Variants in CPSF6 observed in about 807,000 individuals in gnomAD.
CPSF6 encodes cleavage and polyadenylation specificity factor subunit 6.
Under a neutral mutation model 56.7 loss-of-function variants are expected in CPSF6, and 10 were observed. The observed-to-expected ratio is 0.18, with a 90% CI of 0.11 to 0.30. CPSF6 has a LOEUF of 0.30. Ranked by LOEUF, CPSF6 falls within the 10% of genes least tolerant of loss-of-function variation. The probability of loss-of-function intolerance (pLI) is 1.00; values close to 1 mark genes in which losing one functional copy is unlikely to be tolerated. For missense variants in CPSF6, 419 were observed against 722.9 expected (o/e 0.58, Z 4.82); for synonymous variants, 248 against 244.8 (o/e 1.01, Z -0.12).
chr12:69,239,898 GGCGCGGCGAGTCGCCGCGGGGCCCGGA>G (rs1871511974), intron 1 of CPSF6, among the ~76,000 whole-genome samples, 192 bp downstream of exon 1: 1 of 149,480 alleles, frequency 6.7e-6, no homozygotes, highest in African/African-American at 2.4e-5. Flanking sequence ...ACGGGCCGCG[GGCGCGGCGAGTCGCCGCGGGGCCCGGA>G]GCGCGGACGC....
At chr12:69,264,155 G>C (rs752783289) in intron 9 of CPSF6, among the ~76,000 whole-genome samples, 4 of 151,938 alleles carry the variant, frequency 2.6e-5, no homozygotes, top group Non-Finnish European at 4.4e-5. Flanking sequence ...TGCTTAAACT[G>C]GATTGTGACT....
chr12:69,252,083 C>CG (rs1565645458), intron 2 of CPSF6: 5 of 454,706 alleles, frequency 1.1e-5, no homozygotes, highest in African/African-American at 4.0e-5. Flanking sequence ...TTCTTTTTTT[C>CG]AGGGGGAGAC....
chr12:69,260,593 C>T (rs1872703200), intron 8 of CPSF6, among the ~76,000 whole-genome samples: 1 of 152,176 alleles, frequency 6.6e-6, no homozygotes, highest in South Asian at 2.1e-4. Context: ...ACATAGCTGG[C>T]TCCTTATTCT....
rs1190100504 is a variant in CPSF6 at position 69,271,217 on chromosome 12, A to G, written c.*1709A>G. On this transcript the variant is annotated 3_prime_UTR_variant, in exon 10 of 10. Coordinates refer to ENST00000435070, the MANE Select transcript of CPSF6 (RefSeq NM_007007.3). ...TTCACTTTCAGAAATGATTTTTTAA[A>G]GCATTTTGTTGAAAATGCGGTTGCT... 6.6e-6 allele frequency: 1 copy of G among 152,212 alleles called. No individual in the cohort carries two copies. The highest frequency in any genetic ancestry group is 1.5e-5 in the Non-Finnish European group (1 of 67,706). 9.4% of individuals were successfully genotyped at this position (152,212 alleles called of 1,614,324 possible).
intron 1 of CPSF6, among the ~76,000 whole-genome samples, chr12:69,249,151 TCG>T (rs1491296164): frequency 0.086 from 1,812 of 21,028 alleles, 88 homozygotes; most frequent in Non-Finnish European, 0.14. Context: ...TCCCAGCTAC[TCG>T]GGGGGGGGGG....
intron 3 of CPSF6, among the ~76,000 whole-genome samples, chr12:69,253,651 G>A (rs1178310422): frequency 1.3e-5 from 2 of 151,998 alleles, no homozygotes; most frequent in Non-Finnish European, 2.9e-5. Context: ...TAACATTTTA[G>A]TGAAGATTCT....
chr12:69,259,688 C>G (rs1872663348), intron 7 of CPSF6, 145 bp downstream of exon 7: 2 of 821,318 alleles, frequency 2.4e-6, no homozygotes, highest in Non-Finnish European at 3.6e-6. Context: ...ATTTAAAAAG[C>G]ATTGAAAAAA....
rs772427672 is a variant in CPSF6 at position 69,258,906 on chromosome 12, A to C, written c.1011A>C (p.Leu337=). ...PPGPLGPPLT[L]APPPHLPGPP... ...GTCCACTTGGGCCACCCCTTACACT[A>C]GCTCCTCCTCCGCATCTTCCTGGAC... The change falls in exon 6 of 10, where the codon CTA becomes CTC. Residue 337 remains leucine, a synonymous_variant. Coordinates refer to ENST00000435070, the MANE Select transcript of CPSF6 (RefSeq NM_007007.3). This position sits in a 1 kb window ranked among gnomAD's most constrained non-coding sequence, Gnocchi z 4.2. The C allele has an allele frequency of 6.2e-7, 1 of 1,613,884 alleles. No individual in the cohort carries two copies. The highest frequency in any genetic ancestry group is 8.5e-7 in the Non-Finnish European group (1 of 1,179,948).
intron 1 of CPSF6, among the ~76,000 whole-genome samples, chr12:69,240,941 A>G (rs1488988521): frequency 6.6e-6 from 1 of 152,170 alleles, no homozygotes; most frequent in Non-Finnish European, 1.5e-5. Context: ...TAAAAGCCTT[A>G]TTTTTTTGTA....
chr12:69,240,074 C>T lies in CPSF6; in HGVS notation c.60+368C>T, dbSNP rs1176752854. Reference sequence around the variant, plus strand: ...CGTGTAAGCGGCGGAGAGAACTGGCCGCCGCCGCGCCCCCTCCCCCGTCGC... The same window carrying T: ...CGTGTAAGCGGCGGAGAGAACTGGCTGCCGCCGCGCCCCCTCCCCCGTCGC... On this transcript the variant is annotated intron_variant, in intron 1 of 9. Transcript: ENST00000435070. Among the ~76,000 whole-genome samples the T allele has an allele frequency of 2.6e-5, 4 of 151,548 alleles. No homozygotes were observed. In the East Asian group the frequency reaches 7.8e-4, roughly 30 times the overall value.
At chr12:69,264,967 T>TA (rs918331517) in intron 9 of CPSF6, among the ~76,000 whole-genome samples, 2 of 152,150 alleles carry the variant, frequency 1.3e-5, no homozygotes, top group Non-Finnish European at 2.9e-5. Flanking sequence ...TGTATACAAA[T>TA]AAAATACTAA....
chr12:69,250,161 C>T (rs1469056081), intron 1 of CPSF6, among the ~76,000 whole-genome samples: 1 of 152,018 alleles, frequency 6.6e-6, no homozygotes, highest in Non-Finnish European at 1.5e-5. Context: ...TATGGCTCAG[C>T]TCACTATGCT....
chr12:69,252,860 A>G (rs139554964), intron 2 of CPSF6, among the ~76,000 whole-genome samples, 191 bp from the exon 3 acceptor site: 1 of 152,192 alleles, frequency 6.6e-6, no homozygotes, highest in Non-Finnish European at 1.5e-5. Context: ...TTATCAGGGA[A>G]TGAAGTTAGG....
At chr12:69,262,924 A>G (rs1872809568) in intron 9 of CPSF6, among the ~76,000 whole-genome samples, 1 of 152,176 alleles carries the variant, frequency 6.6e-6, no homozygotes, top group African/African-American at 2.4e-5. Context: ...ACAGGGAGTT[A>G]TTTCACATAT....
chr12:69,251,173 T>C lies in CPSF6; in HGVS notation c.105T>C (p.Asp35=), dbSNP rs1872224482. 3 of 1,612,350 alleles carry C rather than the reference T, an allele frequency of 1.9e-6. No individual in the cohort carries two copies. The highest frequency in any genetic ancestry group is 8.5e-7 in the Non-Finnish European group (1 of 1,179,048). ...ATGATCAGATAGATTTGTATGACGA[T>C]GTCATATCTCCATCTGCAAATAATG... ...GGHDQIDLYD[D]VISPSANNGD... is the part of the protein sequence containing the mutation. Residue 35 remains aspartate, a synonymous_variant, in exon 2 of 10, where the codon GAT becomes GAC. Transcript: ENST00000435070.
At chr12:69,250,167 A>G (rs987458416) in intron 1 of CPSF6, among the ~76,000 whole-genome samples, 2 of 151,966 alleles carry the variant, frequency 1.3e-5, no homozygotes, top group African/African-American at 4.8e-5. Context: ...TCAGCTCACT[A>G]TGCTTTTTTT....
At chr12:69,246,684 T>C (rs1222997185) in intron 1 of CPSF6, among the ~76,000 whole-genome samples, 1 of 152,218 alleles carries the variant, frequency 6.6e-6, no homozygotes, top group East Asian at 1.9e-4. Context: ...TTCCGAGGTA[T>C]AGGATATATT....
chr12:69,262,569 A>T lies in CPSF6; in HGVS notation c.*3+7A>T. The T allele has an allele frequency of 3.7e-6, 6 of 1,604,990 alleles. No individual in the cohort carries two copies. The highest frequency in any genetic ancestry group is 5.1e-6 in the Non-Finnish European group (6 of 1,174,924). Reference sequence around the variant, plus strand: ...ATATCGTCATCGTTAGAAGGTGGGTATTCCTTGTTCCCTGTTAAATGTGTG... The same window carrying T: ...ATATCGTCATCGTTAGAAGGTGGGTTTTCCTTGTTCCCTGTTAAATGTGTG... On this transcript the variant is annotated splice_region_variant and intron_variant, in intron 9 of 9. Coordinates refer to ENST00000435070, the MANE Select transcript of CPSF6 (RefSeq NM_007007.3).
chr12:69,255,956 G>T (rs1461835475), intron 3 of CPSF6, among the ~76,000 whole-genome samples: 1 of 152,126 alleles, frequency 6.6e-6, no homozygotes, highest in East Asian at 1.9e-4. Context: ...TCTTTTTATT[G>T]TAGCAAAAAG....
Sources: allele counts gnomAD v4.1 joint callset (sites outside exome capture counted in the v4.1 genomes callset), GRCh38; gene constraint gnomAD v4.1.1; non-coding constraint Gnocchi (gnomAD v3.1); transcripts MANE v1.5; gene names NCBI Gene and HGNC (gene_info 2026-07-23, HGNC 2026-07-21).